The following DENND1B variants were observed in gnomAD, a reference collection of about 807,000 sequenced individuals.
The protein encoded by DENND1B is DENN domain-containing protein 1B.
A neutral mutation model predicts 90.1 loss-of-function variants in DENND1B; 59 were observed. The ratio of observed to expected loss-of-function variants is 0.65; its 90% CI spans 0.53 to 0.81. The LOEUF is 0.81. DENND1B is among the 40% of genes least tolerant of loss of function. The pLI is 0.00. For synonymous variants in DENND1B, 337 were observed against 324.6 expected (o/e 1.04, Z -0.41); for missense variants, 862 against 912.6 (o/e 0.94, Z 0.71).
At chr1:197,775,518 G>C (rs537589389), upstream of DENND1B, 6 of 177,994 alleles carry the variant, frequency 3.4e-5, no homozygotes, top group Non-Finnish European at 5.9e-5. Flanking sequence ...GGGGCGCGCG[G>C]GGACGCGCCC....
chr1:197,690,181 TG>T, intron 3 of DENND1B: 1 of 291,488 alleles, frequency 3.4e-6, no homozygotes. Flanking sequence ...AAGGATAATG[TG>T]GGCTTCGATG....
chr1:197,652,414 T>G (rs1053072042), intron 6 of DENND1B, 99 bp from the exon 7 acceptor site: 1 of 842,256 alleles, frequency 1.2e-6, no homozygotes, highest in African/African-American at 1.8e-5. Flanking sequence ...CTTTTCATAT[T>G]AGACATATTT....
At chr1:197,594,955 C>T (rs1558284388) in intron 14 of DENND1B, among the ~76,000 whole-genome samples, 1 of 151,924 alleles carries the variant, frequency 6.6e-6, no homozygotes, top group Non-Finnish European at 1.5e-5. Flanking sequence ...GTAAGTATTC[C>T]AATCCTAGAG....
At chr1:197,715,601 G>A (rs1660566398) in intron 2 of DENND1B, among the ~76,000 whole-genome samples, 1 of 151,582 alleles carries the variant, frequency 6.6e-6, no homozygotes. Flanking sequence ...CATATTTGCA[G>A]TAATAGATAA....
intron 15 of DENND1B, among the ~76,000 whole-genome samples, chr1:197,576,374 G>C (rs1196378660): frequency 2.6e-5 from 4 of 152,162 alleles, no homozygotes; most frequent in African/African-American, 9.7e-5. Flanking sequence ...GCAGAACCAG[G>C]ATACAAATCC....
Position 197,545,022 on chromosome 1 carries a change from A to AGGAGG in DENND1B, c.1350+899_1350+900insCCTCC, listed in dbSNP as rs1558222797. 3.4e-3 allele frequency among the ~76,000 whole-genome samples: 467 copies of AGGAGG among 138,172 alleles called. 8 individuals are homozygous for AGGAGG. Among genetic ancestry groups the AGGAGG allele is most frequent in the African/African-American group, 0.011 (441 of 38,526 alleles). The allele number at this position is 138,172 out of a possible 152,430, so 90.6% of individuals were successfully genotyped here. A position where few individuals can be genotyped will look rare whatever the true frequency, so the allele number is the denominator to read the frequency against. On this transcript the variant is annotated intron_variant, in intron 18 of 22. Transcript: ENST00000620048. Reference sequence around the variant, plus strand: ...AGGAAGACGACGACGACGACGACGAAAGAAGGAGGAGAAGGAGAAGGAGAA... The same window carrying AGGAGG: ...AGGAAGACGACGACGACGACGACGAAGGAGGAGAAGGAGGAGAAGGAGAAGGAGAA...
At chr1:197,614,720 A>G (rs1202559476) in intron 11 of DENND1B, among the ~76,000 whole-genome samples, 2 of 150,912 alleles carry the variant, frequency 1.3e-5, no homozygotes, top group African/African-American at 4.9e-5. Context: ...CTATTGGGGT[A>G]GTCTAAAGAA....
rs555835712 is a variant in DENND1B at position 197,584,809 on chromosome 1, C to A, written c.1048-1556G>T. On this transcript the variant is annotated intron_variant, in intron 14 of 22. Coordinates refer to ENST00000620048, the MANE Select transcript of DENND1B (RefSeq NM_001195215.2). ...ACCTCAGCCTCCCAAGTAGCTGGGACTACAGGCACATGCCACCATGCCCGG... is the reference window on the plus strand; with the variant it reads ...ACCTCAGCCTCCCAAGTAGCTGGGAATACAGGCACATGCCACCATGCCCGG... Among the ~76,000 whole-genome samples the A allele has an allele frequency of 5.9e-5, 9 of 152,006 alleles. No individual in the cohort carries two copies. The East Asian group carries it at 1.7e-3, about 30-fold the overall frequency.
intron 12 of DENND1B, among the ~76,000 whole-genome samples, chr1:197,608,969 G>A (rs1330701639): frequency 6.7e-6 from 1 of 150,134 alleles, no homozygotes; most frequent in Admixed American, 6.7e-5. Context: ...AAAAAATAGA[G>A]TGTAACAAAT....
chr1:197,743,049 A>G (rs1037889916), intron 2 of DENND1B, among the ~76,000 whole-genome samples: 1 of 152,208 alleles, frequency 6.6e-6, no homozygotes, highest in African/African-American at 2.4e-5. Flanking sequence ...GCCCAGATAG[A>G]TGACTGGGTT....
In DENND1B at chr1:197,597,429, TA is replaced by T. The variant is rs200861233; in HGVS notation, c.922-2097del. ...TTTAAAAGATTTTTACTTTAGAAAATAAAAAAAAATTAAAATGCACCTTACA... is the reference window on the plus strand; with the variant it reads ...TTTAAAAGATTTTTACTTTAGAAAATAAAAAAAATTAAAATGCACCTTACA... On this transcript the variant is annotated intron_variant, in intron 13 of 22. Transcript: ENST00000620048. 8.0e-4 allele frequency among the ~76,000 whole-genome samples: 120 copies of T among 150,752 alleles called. 1 individual carries two copies. The highest frequency in any genetic ancestry group is 2.9e-3 in the South Asian group (14 of 4,786).
chr1:197,534,765 A>AT (rs1669757161), intron 20 of DENND1B, among the ~76,000 whole-genome samples: 1 of 152,222 alleles, frequency 6.6e-6, no homozygotes. Flanking sequence ...ATACATGCTG[A>AT]TAACTAGACT....
At chr1:197,593,715 T>C (rs1675441039) in intron 14 of DENND1B, among the ~76,000 whole-genome samples, 1 of 152,078 alleles carries the variant, frequency 6.6e-6, no homozygotes, top group Admixed American at 6.5e-5. Context: ...TTTGATTTGC[T>C]CCTTTCTTCA....
chr1:197,621,620 T>C (rs774114293), intron 10 of DENND1B, among the ~76,000 whole-genome samples: 106 of 151,504 alleles, frequency 7.0e-4, no homozygotes, highest in Middle Eastern at 3.4e-3. Context: ...TGGGCTAGAA[T>C]TACCCAAGTA....
At chr1:197,749,165 C>T (rs1653116715) in intron 2 of DENND1B, among the ~76,000 whole-genome samples, 3 of 151,870 alleles carry the variant, frequency 2.0e-5, no homozygotes, top group Admixed American at 2.0e-4. Flanking sequence ...CACTATCAGT[C>T]TAACACACAT....
At chr1:197,565,350 A>C in intron 15 of DENND1B, among the ~76,000 whole-genome samples, 1 of 152,092 alleles carries the variant, frequency 6.6e-6, no homozygotes, top group Non-Finnish European at 1.5e-5. Context: ...GCAAGTGCTC[A>C]GGATCTCATA....
intron 15 of DENND1B, among the ~76,000 whole-genome samples, chr1:197,572,289 C>T (rs1010430640): frequency 2.0e-5 from 3 of 152,158 alleles, no homozygotes; most frequent in African/African-American, 7.2e-5. Context: ...CAGTGGGTCC[C>T]ACGCCCACAG....
chr1:197,511,013 T>G, intron 22 of DENND1B, 41 bp from the exon 23 acceptor site: 1 of 1,455,998 alleles, frequency 6.9e-7, no homozygotes, highest in Admixed American at 2.6e-5. Flanking sequence ...AAACTTTTAA[T>G]AAGCATTAAT....
intron 10 of DENND1B, among the ~76,000 whole-genome samples, chr1:197,628,708 GC>G (rs1356485855): frequency 6.6e-6 from 1 of 151,834 alleles, no homozygotes; most frequent in Non-Finnish European, 1.5e-5. Context: ...CTTCTGCACA[GC>G]AAAAAAAACT....
Sources: allele counts gnomAD v4.1 joint callset (sites outside exome capture counted in the v4.1 genomes callset), GRCh38; gene constraint gnomAD v4.1.1; transcripts MANE v1.5; gene names NCBI Gene and HGNC (gene_info 2026-07-23, HGNC 2026-07-21).